Variants in JMY observed in about 807,000 individuals in gnomAD.
The protein encoded by JMY is junction mediating and regulatory protein, p53 cofactor, also known as junction-mediating and -regulatory protein.
Under a neutral mutation model 103.3 loss-of-function variants are expected in JMY, and 46 were observed. The ratio of observed to expected loss-of-function variants is 0.45; its 90% CI spans 0.35 to 0.57. The LOEUF is 0.57. Ranked by LOEUF, JMY falls within the 20% of genes least tolerant of loss-of-function variation. The pLI is 0.00. For missense variants in JMY, 1,238 were observed against 1,255.2 expected (o/e 0.99, Z 0.21); for synonymous variants, 526 against 489.3 (o/e 1.07, Z -0.99).
chr5:79,300,836 C>G lies in JMY; in HGVS notation c.1854C>G (p.Ala618=). The change falls in exon 6 of 11, where the codon GCC becomes GCG. Residue 618 remains alanine (A), a synonymous_variant. Transcript: ENST00000396137. ...QLEARRGRVS[A]KKSYLRNKKE... ...AAGCAAGACGTGGACGGGTTTCTGC[C>G]AAGAAATCCTACCTCAGAAATAAAA... The G allele has an allele frequency of 6.3e-7, 1 of 1,590,612 alleles. No individual in the cohort carries two copies. Among genetic ancestry groups the G allele is most frequent in the South Asian group, 1.2e-5 (1 of 86,370 alleles).
chr5:79,257,919 C>T, intron 1 of JMY, among the ~76,000 whole-genome samples: 1 of 152,098 alleles, frequency 6.6e-6, no homozygotes, highest in Non-Finnish European at 1.5e-5. Flanking sequence ...TGCACCCCAA[C>T]ACCTGGCTAA....
At chr5:79,320,258 G>A (rs1580378800) in intron 10 of JMY, among the ~76,000 whole-genome samples, 1 of 151,686 alleles carries the variant, frequency 6.6e-6, no homozygotes, top group African/African-American at 2.4e-5. Context: ...GCTCACACCT[G>A]TAGTCCCAGC....
rs748005358 is a variant in JMY at position 79,237,415 on chromosome 5, C to T, written c.765C>T (p.Cys255=). 1.9e-5 allele frequency: 31 copies of T among 1,613,602 alleles called. No homozygotes were observed. The highest frequency in any genetic ancestry group is 2.5e-5 in the Non-Finnish European group (30 of 1,180,020). Residue 255 remains cysteine, a synonymous_variant, in exon 1 of 11, where the codon TGC becomes TGT. Coordinates refer to ENST00000396137, the MANE Select transcript of JMY (RefSeq NM_152405.5). The part of the protein sequence containing the change: ...LCSVNSQLEP[C]LPVFPEEPSG... ...CGGTGAACTCGCAGTTGGAGCCGTGCCTGCCGGTGTTCCCCGAGGAACCTT... is the reference window on the plus strand; with the variant it reads ...CGGTGAACTCGCAGTTGGAGCCGTGTCTGCCGGTGTTCCCCGAGGAACCTT...
chr5:79,237,558 A>G lies in JMY; in HGVS notation c.908A>G (p.Lys303Arg). Residue 303 changes from lysine to arginine, a missense_variant, in exon 1 of 11, where the codon AAG becomes AGG. Physicochemically the swap from Lys to Arg is conservative, Grantham distance 26 (BLOSUM62 2). Coordinates refer to ENST00000396137, the MANE Select transcript of JMY (RefSeq NM_152405.5). Reference sequence around the variant, plus strand: ...CACGGCCTGGACACCTGCGGCTGGAAGATCCTCTCCCAGGTGCTCTTCACC... The same window carrying G: ...CACGGCCTGGACACCTGCGGCTGGAGGATCCTCTCCCAGGTGCTCTTCACC... ...LGHGLDTCGW[K>R]ILSQVLFTET... 6.2e-7 allele frequency: 1 copy of G among 1,613,692 alleles called. No homozygotes were observed. The highest frequency in any genetic ancestry group is 1.1e-5 in the South Asian group (1 of 91,074).
chr5:79,322,987 C>T lies in JMY; in HGVS notation c.*1385C>T, dbSNP rs1747509319. The T allele has an allele frequency of 6.6e-6, 1 of 152,214 alleles. No individual in the cohort carries two copies. Among genetic ancestry groups the T allele is most frequent in the African/African-American group, 2.4e-5 (1 of 41,448 alleles). The allele number at this position is 152,214 out of a possible 1,614,324, so 9.4% of individuals were successfully genotyped here. ...TCCTAGAGAAAAAAAGAAATGCTCA[C>T]ACCTTTGTTATTTTAAAGTGTTTTC... On this transcript the variant is annotated 3_prime_UTR_variant, in exon 11 of 11. Coordinates refer to ENST00000396137, the MANE Select transcript of JMY (RefSeq NM_152405.5).
chr5:79,321,491 C>G (rs1747447877), intron 10 of JMY, 115 bp from the exon 11 acceptor site: 1 of 152,048 alleles, frequency 6.6e-6, no homozygotes, highest in South Asian at 2.1e-4. Flanking sequence ...TTTAAGAATA[C>G]AGTCATGGCC....
chr5:79,277,192 G>A (rs1745966086), intron 1 of JMY, among the ~76,000 whole-genome samples: 1 of 152,178 alleles, frequency 6.6e-6, no homozygotes, highest in Admixed American at 6.5e-5. Context: ...ACTGTAAGCT[G>A]TGAGGACCAG....
intron 2 of JMY, among the ~76,000 whole-genome samples, chr5:79,283,158 A>G (rs1746171716): frequency 6.6e-6 from 1 of 151,692 alleles, no homozygotes; most frequent in Admixed American, 6.6e-5. Flanking sequence ...ATGCCTGGCT[A>G]ATTTTGTATT....
At position 79,237,505 on chromosome 5, in the gene JMY, G is replaced by A. The variant is rs899547276; in HGVS notation, c.855G>A (p.Leu285=). 1 of 1,613,862 alleles carries A rather than the reference G, an allele frequency of 6.2e-7. No individual in the cohort carries two copies. The highest frequency in any genetic ancestry group is 1.3e-5 in the African/African-American group (1 of 75,052). Residue 285 remains leucine (L), a synonymous_variant, in exon 1 of 11, where the codon CTG becomes CTA. Coordinates refer to ENST00000396137, the MANE Select transcript of JMY (RefSeq NM_152405.5). The part of the protein sequence containing the change: ...PEMTEQEIDT[L]CYQLQVYLGH... Reference sequence around the variant, plus strand: ...TGACCGAGCAGGAAATCGACACTCTGTGTTACCAGCTCCAGGTCTACCTGG... The same window carrying A: ...TGACCGAGCAGGAAATCGACACTCTATGTTACCAGCTCCAGGTCTACCTGG...
intron 1 of JMY, among the ~76,000 whole-genome samples, chr5:79,257,465 T>A (rs1745282839): frequency 6.6e-6 from 1 of 152,104 alleles, no homozygotes; most frequent in Non-Finnish European, 1.5e-5. Flanking sequence ...TTGCCAGGCA[T>A]GGTGATGTAA....
rs970251098 is a variant in JMY at position 79,236,721 on chromosome 5, G to A, written c.71G>A (p.Arg24His). 13 of 1,503,210 alleles carry A rather than the reference G, an allele frequency of 8.6e-6. No homozygotes were observed. The highest frequency in any genetic ancestry group is 1.2e-5 in the Non-Finnish European group (13 of 1,123,498). The allele number at this position is 1,503,210 out of a possible 1,614,324, so 93.1% of individuals were successfully genotyped here. ...GTGCGGCCCCATGTGTTCGACGAGC[G>A]CGAGAAACACAAATTCGTCTTTATT... ...VAVRPHVFDE[R>H]EKHKFVFIVA... is the part of the protein sequence containing the mutation. The change falls in exon 1 of 11, where the codon CGC becomes CAC. Residue 24 changes from arginine (R) to histidine (H), a missense_variant. Arg to His is a conservative substitution (Grantham distance 29). Coordinates refer to ENST00000396137, the MANE Select transcript of JMY (RefSeq NM_152405.5).
intron 2 of JMY, among the ~76,000 whole-genome samples, chr5:79,279,659 G>A (rs1360297739): frequency 6.6e-6 from 1 of 152,112 alleles, no homozygotes; most frequent in Non-Finnish European, 1.5e-5. Flanking sequence ...AGGGTGGAGA[G>A]TAGGACAGTC....
chr5:79,279,929 G>A (rs1314514695), intron 2 of JMY, among the ~76,000 whole-genome samples: 2 of 151,984 alleles, frequency 1.3e-5, no homozygotes, highest in East Asian at 1.9e-4. Flanking sequence ...CTGCAGTCTC[G>A]ATGTCCTGGG....
Position 79,237,678 on chromosome 5 carries a change from A to G in JMY, c.1028A>G (p.Gln343Arg). 6.2e-7 allele frequency: 1 copy of G among 1,610,956 alleles called. No individual in the cohort carries two copies. The highest frequency in any genetic ancestry group is 8.5e-7 in the Non-Finnish European group (1 of 1,178,178). ...CTTCAGCGGGCCAGGAAGCGCATCC[A>G]GGAGGTGAGTGAGTGAGCTCCTAGT... ...EVLQRARKRI[Q>R]ELLDKHKNTE... Residue 343 changes from glutamine (Q) to arginine (R), a missense_variant, in exon 1 of 11, where the codon CAG becomes CGG. Transcript: ENST00000396137.
chr5:79,238,350 T>G (rs1313121469), intron 1 of JMY, among the ~76,000 whole-genome samples: 3 of 152,166 alleles, frequency 2.0e-5, no homozygotes, highest in Non-Finnish European at 4.4e-5. Context: ...CGTTGTATTT[T>G]TGTACTTACT....
At chr5:79,279,616 CTG>C (rs1160994104) in intron 2 of JMY, among the ~76,000 whole-genome samples, 1 of 152,114 alleles carries the variant, frequency 6.6e-6, no homozygotes, top group African/African-American at 2.4e-5. Context: ...GTAAGGTTGT[CTG>C]TGTGTCTTAT....
chr5:79,283,356 CCTTTTCT>C (rs1289417684), intron 2 of JMY, among the ~76,000 whole-genome samples: 1 of 152,126 alleles, frequency 6.6e-6, no homozygotes, highest in Non-Finnish European at 1.5e-5. Context: ...AAATAATTGA[CCTTTTCT>C]CTTTATGAAG....
chr5:79,285,377 G>A (rs1045594739), intron 2 of JMY, among the ~76,000 whole-genome samples: 10 of 152,044 alleles, frequency 6.6e-5, no homozygotes, highest in Non-Finnish European at 1.2e-4. Context: ...CAAAGCATGG[G>A]CTGCATTTCA....
intron 7 of JMY, among the ~76,000 whole-genome samples, 192 bp downstream of exon 7, chr5:79,306,653 GC>G (rs1746892894): frequency 6.6e-6 from 1 of 151,992 alleles, no homozygotes; most frequent in East Asian, 1.9e-4. Flanking sequence ...CGCACACGTA[GC>G]CTCCCCTACC....
Sources: allele counts gnomAD v4.1 joint callset (sites outside exome capture counted in the v4.1 genomes callset), GRCh38; gene constraint gnomAD v4.1.1; transcripts MANE v1.5; gene names NCBI Gene and HGNC (gene_info 2026-07-23, HGNC 2026-07-21).